CA10: variants seen among roughly 807,000 people sequenced by gnomAD.
The protein encoded by CA10 is carbonic anhydrase 10 (inactive).
CA10 carries 14 observed loss-of-function variants against 44.2 expected under a neutral mutation model. The observed-to-expected ratio is 0.32, with a 90% confidence interval of 0.21 to 0.50. CA10 has a LOEUF of 0.50. Among genes scored for constraint, CA10 ranks in the 20% least tolerant of loss-of-function variants. The pLI, the probability that CA10 is intolerant of heterozygous loss-of-function variation, is 0.99. For synonymous variants in CA10, 159 were observed against 141.6 expected (o/e 1.12, Z -0.87); for missense variants, 350 against 409.7 (o/e 0.85, Z 1.26).
In CA10 at chr17:51,701,488, ATT is replaced by A. The variant is rs375022385; in HGVS notation, c.465+46143_465+46144del. On this transcript the variant is annotated intron_variant, in intron 4 of 8. Coordinates refer to ENST00000451037, the MANE Select transcript of CA10 (RefSeq NM_020178.5). Reference sequence around the variant, plus strand: ...CCATAACACTCTCATTTATTTATTTATTTTTTTTATGTTTCTTGTTTGTTTAC... The same window carrying A: ...CCATAACACTCTCATTTATTTATTTATTTTTTATGTTTCTTGTTTGTTTAC... Among the ~76,000 whole-genome samples, 18 of 134,986 alleles carry A rather than the reference ATT, an allele frequency of 1.3e-4. 1 individual carries two copies. The highest frequency in any genetic ancestry group is 7.0e-4 in the African/African-American group (18 of 25,672). 88.6% of individuals were successfully genotyped at this position (134,986 alleles called of 152,430 possible). A position where few individuals can be genotyped will look rare whatever the true frequency, so the allele number is the denominator to read the frequency against.
intron 4 of CA10, among the ~76,000 whole-genome samples, chr17:51,666,795 C>T (rs1914224074): frequency 6.6e-6 from 1 of 152,154 alleles, no homozygotes; most frequent in Admixed American, 6.5e-5. Flanking sequence ...AATGATGTAT[C>T]AATTCAGATT....
Position 52,108,224 on chromosome 17 carries a change from AT to A in CA10, c.62-35832del, listed in dbSNP as rs1988710827. 2.1e-5 allele frequency among the ~76,000 whole-genome samples: 3 copies of A among 141,942 alleles called. No individual in the cohort carries two copies. In the South Asian group the frequency reaches 6.5e-4, roughly 31 times the overall value. 93.1% of individuals were successfully genotyped at this position (141,942 alleles called of 152,430 possible). A position where few individuals can be genotyped will look rare whatever the true frequency, so the allele number is the denominator to read the frequency against. On this transcript the variant is annotated intron_variant, in intron 1 of 8. Coordinates refer to ENST00000451037, the MANE Select transcript of CA10 (RefSeq NM_020178.5). Reference sequence around the variant, plus strand: ...TATATATATATATATATATATATATATAATATGTATATGATGGAATACTACC... The same window carrying A: ...TATATATATATATATATATATATATAAATATGTATATGATGGAATACTACC...
intron 3 of CA10, 135 bp downstream of exon 3, chr17:51,930,855 C>T (rs961201851): frequency 3.5e-5 from 34 of 973,790 alleles, no homozygotes; most frequent in South Asian, 8.1e-5. Context: ...TATCTAATGG[C>T]GGCAGGTCTG....
At chr17:51,756,216 A>T (rs530963866) in intron 3 of CA10, among the ~76,000 whole-genome samples, 1 of 152,240 alleles carries the variant, frequency 6.6e-6, no homozygotes, top group East Asian at 1.9e-4. Context: ...TGGGCTGTGT[A>T]CTCAGTCCCT....
At chr17:51,995,665 T>G (rs374713752) in intron 2 of CA10, among the ~76,000 whole-genome samples, 2 of 152,086 alleles carry the variant, frequency 1.3e-5, no homozygotes, top group East Asian at 1.9e-4. Flanking sequence ...TTCTGTAATA[T>G]CTGAGAAAGT....
At chr17:52,038,803 T>C (rs1986689490) in intron 2 of CA10, among the ~76,000 whole-genome samples, 1 of 152,166 alleles carries the variant, frequency 6.6e-6, no homozygotes, top group Admixed American at 6.6e-5. Context: ...TCTTGCCAAT[T>C]TTTTGCTTAT....
intron 2 of CA10, among the ~76,000 whole-genome samples, chr17:51,936,800 A>G (rs1232074322): frequency 6.6e-6 from 1 of 152,154 alleles, no homozygotes; most frequent in Non-Finnish European, 1.5e-5. Context: ...AAGCTCGACT[A>G]TCCTTGAAGT....
chr17:52,097,362 A>C (rs1988429256), intron 1 of CA10, among the ~76,000 whole-genome samples: 1 of 152,146 alleles, frequency 6.6e-6, no homozygotes, highest in East Asian at 1.9e-4. Flanking sequence ...GGCTGTTGGA[A>C]TTTACCTATA....
chr17:51,763,835 C>A (rs1160507284), intron 3 of CA10, among the ~76,000 whole-genome samples: 1 of 152,064 alleles, frequency 6.6e-6, no homozygotes, highest in Admixed American at 6.5e-5. Flanking sequence ...AATTCCACCT[C>A]CTAAAAACCC....
intron 2 of CA10, among the ~76,000 whole-genome samples, chr17:51,996,544 C>T (rs1478875597): frequency 2.6e-5 from 4 of 152,034 alleles, no homozygotes; most frequent in African/African-American, 7.2e-5. Flanking sequence ...GTGTGGCCCT[C>T]TTATATTTCT....
At chr17:52,042,602 A>T (rs1013099546) in intron 2 of CA10, among the ~76,000 whole-genome samples, 8 of 151,640 alleles carry the variant, frequency 5.3e-5, no homozygotes, top group African/African-American at 1.9e-4. Context: ...TTTTAGTTTT[A>T]TGTAGTCCAA....
chr17:52,052,299 TAAAAAAA>T (rs149731635), intron 2 of CA10, among the ~76,000 whole-genome samples: 16 of 145,142 alleles, frequency 1.1e-4, no homozygotes, highest in African/African-American at 3.5e-4. Context: ...CTTTTTTTTT[TAAAAAAA>T]AAAAAAAAAA....
At chr17:51,778,015 C>T (rs542204564) in intron 3 of CA10, among the ~76,000 whole-genome samples, 5 of 152,276 alleles carry the variant, frequency 3.3e-5, no homozygotes, top group Admixed American at 3.3e-4. Flanking sequence ...GATTGGCTCA[C>T]AGCACTCCCC....
At position 52,080,513 on chromosome 17, in the gene CA10, TAGAG is replaced by T. The variant is rs550889353; in HGVS notation, c.62-8124_62-8121del. ...ATAAATAAATAAATATTAAAATAAATAGAGAGAAGCTCAAAGGTAACTAGACTTG... is the reference window on the plus strand; with the variant it reads ...ATAAATAAATAAATATTAAAATAAATAGAAGCTCAAAGGTAACTAGACTTG... On this transcript the variant is annotated intron_variant, in intron 1 of 8. Transcript: ENST00000451037. 7.8e-3 allele frequency among the ~76,000 whole-genome samples: 1,173 copies of T among 151,310 alleles called. 9 individuals are homozygous for T. Among genetic ancestry groups the T allele is most frequent in the South Asian group, 0.029 (138 of 4,800 alleles).
intron 2 of CA10, among the ~76,000 whole-genome samples, chr17:51,962,446 A>G (rs1598142008): frequency 1.3e-5 from 2 of 152,292 alleles, no homozygotes; most frequent in African/African-American, 4.8e-5. Flanking sequence ...GACTGAGGAG[A>G]CAGCTCAGAC....
At chr17:51,645,424 G>C (rs1283121973) in intron 6 of CA10, among the ~76,000 whole-genome samples, 2 of 152,170 alleles carry the variant, frequency 1.3e-5, no homozygotes, top group African/African-American at 4.8e-5. Flanking sequence ...CAATGTCACT[G>C]TGTCCCTCTG....
rs75643391 is a variant in CA10, at chr17:51,716,684, T to A, written c.465+30949A>T. Among the ~76,000 whole-genome samples the A allele has an allele frequency of 9.2e-5, 14 of 152,254 alleles. No homozygotes were observed. In the East Asian group the frequency reaches 2.7e-3, roughly 29 times the overall value. ...TTAAGCTGCAGTTCCCTCCATAGCA[T>A]CTTGTAGGGGAATTATTTAAGCATG... is the stretch of plus-strand genomic sequence containing the variant. On this transcript the variant is annotated intron_variant, in intron 4 of 8. Transcript: ENST00000451037.
chr17:52,091,302 A>G (rs995349754), intron 1 of CA10, among the ~76,000 whole-genome samples: 10 of 152,166 alleles, frequency 6.6e-5, no homozygotes, highest in African/African-American at 2.4e-4. Context: ...AAAATGGTAT[A>G]AAAATTTTTA....
At chr17:51,737,920 A>C (rs1027647488) in intron 4 of CA10, among the ~76,000 whole-genome samples, 34 of 152,192 alleles carry the variant, frequency 2.2e-4, no homozygotes, top group African/African-American at 7.0e-4. Context: ...GTATTTGGGA[A>C]TGGATAATCA....
Sources: allele counts gnomAD v4.1 joint callset (sites outside exome capture counted in the v4.1 genomes callset), GRCh38; gene constraint gnomAD v4.1.1; transcripts MANE v1.5; gene names NCBI Gene and HGNC (gene_info 2026-07-23, HGNC 2026-07-21).